TMPRSS7: variants seen among roughly 807,000 people sequenced by gnomAD.
TMPRSS7 encodes the protein transmembrane protease serine 7.
In TMPRSS7, 81 loss-of-function variants were observed where a neutral mutation model predicts 95.6. The ratio of observed to expected loss-of-function variants is 0.85; its 90% CI spans 0.71 to 1.02. The LOEUF (loss-of-function observed/expected upper bound fraction) is 1.02. Ranked by LOEUF, TMPRSS7 falls within the 50% of genes least tolerant of loss-of-function variation. TMPRSS7 has a pLI of 0.00. For synonymous variants in TMPRSS7, 364 were observed against 337.8 expected (o/e 1.08, Z -0.85); for missense variants, 945 against 955.2 (o/e 0.99, Z 0.14).
At chr3:112,035,603 T>G (rs1410469655) in intron 1 of TMPRSS7, among the ~76,000 whole-genome samples, 1 of 152,184 alleles carries the variant, frequency 6.6e-6, no homozygotes, top group Non-Finnish European at 1.5e-5. Flanking sequence ...AAAGAGAGAT[T>G]ATTTCTTTGG....
At chr3:112,056,947 AAAC>A (rs1363920878) in intron 9 of TMPRSS7, 75 bp from the exon 10 acceptor site, 1 of 1,061,462 alleles carries the variant, frequency 9.4e-7, no homozygotes, top group Non-Finnish European at 1.4e-6. Flanking sequence ...AATGGCCTTA[AAAC>A]AACAAGCCAA....
At chr3:112,040,895 G>A (rs1306843207) in intron 2 of TMPRSS7, among the ~76,000 whole-genome samples, 2 of 152,124 alleles carry the variant, frequency 1.3e-5, no homozygotes, top group Non-Finnish European at 2.9e-5. Context: ...GGAGACTACG[G>A]AGGATCTTGT....
In TMPRSS7 at chr3:112,037,640, C is replaced by T. The variant is rs138317473; in HGVS notation, c.49-432C>T. Among the ~76,000 whole-genome samples, 54 of 152,254 alleles carry T rather than the reference C, an allele frequency of 3.5e-4. No homozygotes were observed. The East Asian group carries it at 8.1e-3, about 23-fold the overall frequency. ...CATACACTACCTCCCCTTTGAAAAT[C>T]GCTAATAAAAACTTGCTGGTTTTGT... On this transcript the variant is annotated intron_variant, in intron 1 of 17. Transcript: ENST00000452346.
intron 7 of TMPRSS7, among the ~76,000 whole-genome samples, chr3:112,049,430 A>G (rs575314051): frequency 6.6e-6 from 1 of 152,292 alleles, no homozygotes; most frequent in South Asian, 2.1e-4. Context: ...TTCTGGTAAC[A>G]CTACCATTGC....
intron 8 of TMPRSS7, 149 bp from the exon 9 acceptor site, chr3:112,050,522 G>A (rs199513980): frequency 4.2e-4 from 71 of 169,106 alleles, no homozygotes; most frequent in Admixed American, 9.5e-4. Flanking sequence ...CCTTTCTTCT[G>A]AAAAAAAAAA....
chr3:112,061,405 G>A (rs1164325585), intron 10 of TMPRSS7, among the ~76,000 whole-genome samples: 2 of 152,144 alleles, frequency 1.3e-5, no homozygotes, highest in Admixed American at 1.3e-4. Flanking sequence ...TTTTCAACCT[G>A]ATTGAATGAA....
Position 112,061,770 on chromosome 3 carries a change from G to T in TMPRSS7, c.1311-17G>T, listed in dbSNP as rs372640419. ...GAACCTCAAGCTGTGTATTCTCCCCGACTCTTGTCTCCCCAGGTACTGTGG... is the reference window on the plus strand; with the variant it reads ...GAACCTCAAGCTGTGTATTCTCCCCTACTCTTGTCTCCCCAGGTACTGTGG... On this transcript the variant is annotated splice_polypyrimidine_tract_variant and intron_variant, in intron 10 of 17. Coordinates refer to ENST00000452346, the Ensembl canonical transcript of TMPRSS7. 1.9e-6 allele frequency: 3 copies of T among 1,590,118 alleles called. No individual in the cohort carries two copies. Among genetic ancestry groups the T allele is most frequent in the South Asian group, 2.3e-5 (2 of 86,802 alleles).
chr3:112,076,805 A>G, intron 15 of TMPRSS7, 71 bp from the exon 16 acceptor site: 1 of 1,548,542 alleles, frequency 6.5e-7, no homozygotes, highest in Non-Finnish European at 8.8e-7. Flanking sequence ...TCAACTCTTT[A>G]GAGTGCTTGT....
At chr3:112,072,424 C>G (rs1053850032) in intron 13 of TMPRSS7, among the ~76,000 whole-genome samples, 1 of 152,234 alleles carries the variant, frequency 6.6e-6, no homozygotes, top group Non-Finnish European at 1.5e-5. Context: ...ACACAGGGGT[C>G]AGGGACCCAC....
chr3:112,061,967 A>G, intron 11 of TMPRSS7, 44 bp downstream of exon 11: 1 of 1,488,138 alleles, frequency 6.7e-7, no homozygotes, highest in Non-Finnish European at 9.0e-7. Flanking sequence ...ATACTTACAT[A>G]GAGGATAACA....
At chr3:112,063,540 C>G in exon 12 of TMPRSS7, 1 of 1,614,028 alleles carries the variant, frequency 6.2e-7, no homozygotes, top group Non-Finnish European at 8.5e-7. Context: ...CCTGTTGGAT[C>G]TTTTAGATGC....
rs942685800 is a variant in TMPRSS7 at position 112,045,935 on chromosome 3, T to TACTA, written c.685_688dup (p.Asn230ThrfsTer16). 1.3e-6 allele frequency: 2 copies of TACTA among 1,547,244 alleles called. No homozygotes were observed. Among genetic ancestry groups the TACTA allele is most frequent in the Admixed American group, 4.0e-5 (2 of 50,028 alleles). On this transcript the variant is annotated frameshift_variant, in exon 5 of 18. Transcript: ENST00000452346. LOFTEE classifies it high-confidence loss of function. The stretch of plus-strand genomic sequence containing the variant: ...CTGGCTGTGGACATGGACTCTGTGG[T>TACTA]ACTAAATGGTGATTGTTGGGTAATT...
At chr3:112,041,233 T>C (rs2073203931) in intron 2 of TMPRSS7, among the ~76,000 whole-genome samples, 1 of 151,688 alleles carries the variant, frequency 6.6e-6, no homozygotes, top group African/African-American at 2.4e-5. Context: ...AGGAGTTCAA[T>C]CCTTCTGCCC....
At position 112,051,581 on chromosome 3, in the gene TMPRSS7, ATATCTATCTCTAT is replaced by A. The variant is rs537854793; in HGVS notation, c.1203+821_1203+833del. On this transcript the variant is annotated intron_variant, in intron 9 of 17. Coordinates refer to ENST00000452346, the Ensembl canonical transcript of TMPRSS7. ...TATCTATCTATGTATCTATCTATCT[ATATCTATCTCTAT>A]TATCTATCTCTATTATCTATCTATC... Among the ~76,000 whole-genome samples, 359 of 149,366 alleles carry A rather than the reference ATATCTATCTCTAT, an allele frequency of 2.4e-3. 1 individual carries two copies. The highest frequency in any genetic ancestry group is 7.2e-3 in the African/African-American group (286 of 39,782).
chr3:112,067,592 AT>A (rs1045185921), intron 13 of TMPRSS7, among the ~76,000 whole-genome samples: 11 of 152,050 alleles, frequency 7.2e-5, no homozygotes, highest in African/African-American at 2.7e-4. Context: ...GATGATGAGC[AT>A]TTTTTCTTGT....
chr3:112,049,401 C>A (rs2073317687), intron 7 of TMPRSS7, among the ~76,000 whole-genome samples: 1 of 152,188 alleles, frequency 6.6e-6, no homozygotes, highest in Non-Finnish European at 1.5e-5. Context: ...AGGACCTGGA[C>A]AACACACATG....
At chr3:112,052,506 G>A (rs1326699726) in intron 9 of TMPRSS7, among the ~76,000 whole-genome samples, 1 of 152,064 alleles carries the variant, frequency 6.6e-6, no homozygotes, top group Admixed American at 6.5e-5. Context: ...TATTTCCAAA[G>A]TAATTAAGAG....
chr3:112,069,458 A>G (rs2073616011), intron 13 of TMPRSS7, among the ~76,000 whole-genome samples: 1 of 152,050 alleles, frequency 6.6e-6, no homozygotes, highest in South Asian at 2.1e-4. Flanking sequence ...CTGGTCCTGG[A>G]ATTTTTTTGG....
chr3:112,074,366 T>C, exon 14 of TMPRSS7: 1 of 1,614,052 alleles, frequency 6.2e-7, no homozygotes, highest in Non-Finnish European at 8.5e-7. Context: ...ATGCAAAATG[T>C]GATGGGACAG....
Sources: gnomAD v4.1 joint callset for allele counts (sites outside exome capture counted in the v4.1 genomes callset) on GRCh38, gnomAD v4.1.1 for gene constraint, MANE v1.5 for transcripts, NCBI Gene and HGNC (gene_info 2026-07-23, HGNC 2026-07-21) for gene names.